IFT57: variants seen among roughly 807,000 people sequenced by gnomAD.
IFT57 encodes the protein intraflagellar transport 57, also known as intraflagellar transport protein 57 homolog.
IFT57 carries 59 observed loss-of-function variants against 56.8 expected under a neutral mutation model. That is an observed-to-expected ratio of 1.04 (90% confidence interval 0.84 to 1.29). IFT57 has a LOEUF of 1.29. Ranked by LOEUF, IFT57 falls within the 50% of genes most tolerant of loss-of-function variation. IFT57 has a pLI of 0.00. For synonymous variants in IFT57, 209 were observed against 186.1 expected (o/e 1.12, Z -1.00); for missense variants, 470 against 522.1 (o/e 0.90, Z 0.97).
intron 6 of IFT57, 42 bp from the exon 7 acceptor site, chr3:108,167,906 C>T: frequency 7.1e-7 from 1 of 1,411,844 alleles, no homozygotes; most frequent in Non-Finnish European, 9.7e-7. Flanking sequence ...AAAAATACTA[C>T]ATTTCCATCT....
At chr3:108,174,066 T>C (rs2080111000) in intron 6 of IFT57, among the ~76,000 whole-genome samples, 1 of 150,362 alleles carries the variant, frequency 6.7e-6, no homozygotes, top group Non-Finnish European at 1.5e-5. Flanking sequence ...GATTTGAATA[T>C]GGGTACTTTT....
At chr3:108,206,606 G>C in intron 5 of IFT57, 22 bp downstream of exon 5, 1 of 1,165,248 alleles carries the variant, frequency 8.6e-7, no homozygotes, top group Non-Finnish European at 1.2e-6. Context: ...TGTTGGTCCT[G>C]CATGTATCTG....
chr3:108,182,608 A>G (rs929298680), intron 6 of IFT57, among the ~76,000 whole-genome samples: 2 of 152,138 alleles, frequency 1.3e-5, no homozygotes, highest in African/African-American at 4.8e-5. Context: ...CCAAAATCCA[A>G]TGGCTTGGAG....
intron 6 of IFT57, among the ~76,000 whole-genome samples, chr3:108,185,003 T>C (rs1576037396): frequency 6.6e-6 from 1 of 152,108 alleles, no homozygotes; most frequent in Non-Finnish European, 1.5e-5. Flanking sequence ...ACATGTACTG[T>C]AGATTGAGGT....
intron 6 of IFT57, among the ~76,000 whole-genome samples, chr3:108,172,102 T>C (rs943227748): frequency 2.0e-5 from 3 of 151,918 alleles, no homozygotes; most frequent in Non-Finnish European, 4.4e-5. Context: ...CAACCATGCC[T>C]GACTCATTTA....
In IFT57 at chr3:108,222,224, C is replaced by G. The variant is rs1021908391; in HGVS notation, c.99G>C (p.Gly33=). 1.2e-6 allele frequency: 2 copies of G among 1,614,072 alleles called. No homozygotes were observed. Among genetic ancestry groups the G allele is most frequent in the Non-Finnish European group, 1.7e-6 (2 of 1,179,986 alleles). Residue 33 remains glycine (G), a synonymous_variant, in exon 1 of 11, where the codon GGG becomes GGC. Transcript: ENST00000264538. ...EGTGEVVLER[G]PGAAYHMFVV... ...CGAACATGTGGTAGGCCGCGCCGGG[C>G]CCCCGCTCCAAGACCACTTCCCCGG... is the stretch of plus-strand genomic sequence containing the variant.
Position 108,210,280 on chromosome 3 carries a change from A to AAGTTTCT in IFT57, c.586-3591_586-3585dup, listed in dbSNP as rs1212256305. The stretch of plus-strand genomic sequence containing the variant: ...CTTGATATGGGCAGTTCAAAATTAA[A>AAGTTTCT]AGTTTCTAGTTTCTAGATGATTATA... On this transcript the variant is annotated intron_variant, in intron 4 of 10. Coordinates refer to ENST00000264538, the MANE Select transcript of IFT57 (RefSeq NM_018010.4). Among the ~76,000 whole-genome samples the AAGTTTCT allele has an allele frequency of 2.0e-5, 3 of 151,784 alleles. No individual in the cohort carries two copies. In the East Asian group the frequency reaches 5.8e-4, roughly 29 times the overall value.
At chr3:108,183,180 A>C (rs187896324) in intron 6 of IFT57, among the ~76,000 whole-genome samples, 38 of 152,274 alleles carry the variant, frequency 2.5e-4, no homozygotes, top group African/African-American at 7.2e-4. Flanking sequence ...GTGATTTAAA[A>C]AAAACTTGCC....
chr3:108,211,987 A>C (rs1485298757), intron 4 of IFT57, among the ~76,000 whole-genome samples: 1 of 152,114 alleles, frequency 6.6e-6, no homozygotes, highest in African/African-American at 2.4e-5. Flanking sequence ...TAAACTTTGT[A>C]AACATTTTTT....
intron 5 of IFT57, among the ~76,000 whole-genome samples, chr3:108,199,257 T>C (rs571159169): frequency 6.6e-6 from 1 of 152,332 alleles, no homozygotes; most frequent in East Asian, 1.9e-4. Context: ...AAAAATAAAA[T>C]TTGATTAACT....
chr3:108,184,922 T>C (rs1428602818), intron 6 of IFT57, among the ~76,000 whole-genome samples: 1 of 152,168 alleles, frequency 6.6e-6, no homozygotes, highest in Non-Finnish European at 1.5e-5. Flanking sequence ...CAAATGTCAC[T>C]TGCAATGCTG....
At chr3:108,188,749 G>T (rs1432846111) in intron 6 of IFT57, among the ~76,000 whole-genome samples, 1 of 152,166 alleles carries the variant, frequency 6.6e-6, no homozygotes, top group African/African-American at 2.4e-5. Context: ...GGATTTTGAT[G>T]ATGGCAATAC....
chr3:108,165,400 T>G (rs766390980), intron 9 of IFT57, 31 bp downstream of exon 9: 1 of 1,586,760 alleles, frequency 6.3e-7, no homozygotes, highest in African/African-American at 1.3e-5. Context: ...AGCTGACAGG[T>G]GAGAAGCAGG....
intron 6 of IFT57, among the ~76,000 whole-genome samples, chr3:108,180,657 T>C (rs1373232733): frequency 6.6e-6 from 1 of 151,948 alleles, no homozygotes; most frequent in Admixed American, 6.6e-5. Flanking sequence ...ATAAATGGGA[T>C]AAAAACCATA....
intron 3 of IFT57, among the ~76,000 whole-genome samples, chr3:108,216,252 T>G (rs973511081): frequency 6.6e-6 from 1 of 152,068 alleles, no homozygotes; most frequent in South Asian, 2.1e-4. Flanking sequence ...TATAAGAAAT[T>G]CAAGCAACTC....
chr3:108,194,798 T>C (rs1208516034), intron 5 of IFT57, among the ~76,000 whole-genome samples: 2 of 152,168 alleles, frequency 1.3e-5, no homozygotes, highest in African/African-American at 4.8e-5. Context: ...TGTAGAAGAA[T>C]GAAACTAGAT....
Position 108,219,492 on chromosome 3 carries a change from G to A in IFT57, c.293C>T (p.Ala98Val), listed in dbSNP as rs755957379. The change falls in exon 2 of 11, where the codon GCG becomes GTG. Residue 98 changes from alanine (A) to valine (V), a missense_variant. Ala to Val is a moderately conservative substitution (Grantham distance 64, BLOSUM62 0). Coordinates refer to ENST00000264538, the MANE Select transcript of IFT57 (RefSeq NM_018010.4). ...CTLAAWLINKAGRPFEQPQEY... is the reference protein window; with the variant it reads ...CTLAAWLINKVGRPFEQPQEY... ...TTGAGGCTGCTCAAAGGGACGTCCC[G>A]CTTTATTAATCAACCAAGCAGCAAG... 8.7e-6 allele frequency: 14 copies of A among 1,613,566 alleles called. No individual in the cohort carries two copies. The highest frequency in any genetic ancestry group is 4.0e-5 in the African/African-American group (3 of 74,866).
intron 6 of IFT57, among the ~76,000 whole-genome samples, chr3:108,182,518 C>T (rs1033554084): frequency 2.0e-5 from 3 of 152,092 alleles, no homozygotes; most frequent in African/African-American, 7.2e-5. Context: ...TGATTCCATC[C>T]TTAGCACAAT....
At chr3:108,205,929 T>G (rs1367452634) in intron 5 of IFT57, among the ~76,000 whole-genome samples, 1 of 119,270 alleles carries the variant, frequency 8.4e-6, no homozygotes, top group African/African-American at 3.0e-5. Context: ...TTATTTATAA[T>G]ATATAAATAT....
Sources: gnomAD v4.1 joint callset for allele counts (sites outside exome capture counted in the v4.1 genomes callset) on GRCh38, gnomAD v4.1.1 for gene constraint, MANE v1.5 for transcripts, NCBI Gene and HGNC (gene_info 2026-07-23, HGNC 2026-07-21) for gene names.